PIK3C2B: variants seen among roughly 807,000 people sequenced by gnomAD.
PIK3C2B encodes phosphatidylinositol-4-phosphate 3-kinase catalytic subunit type 2 beta.
Under a neutral mutation model 184.3 loss-of-function variants are expected in PIK3C2B, and 83 were observed. The observed-to-expected ratio is 0.45, with a 90% CI of 0.38 to 0.54. The LOEUF (loss-of-function observed/expected upper bound fraction) is 0.54. Among genes scored for constraint, PIK3C2B ranks in the 20% least tolerant of loss-of-function variants. The probability of loss-of-function intolerance (pLI) is 0.00; values close to 1 mark genes in which losing one functional copy is unlikely to be tolerated. For missense variants in PIK3C2B, 1,736 were observed against 2,113.5 expected (o/e 0.82, Z 3.50); for synonymous variants, 779 against 837.6 (o/e 0.93, Z 1.21).
In PIK3C2B at chr1:204,445,992, A is replaced by C. The variant is rs1653826655; in HGVS notation, c.2642T>G (p.Met881Arg). Residue 881 changes from methionine (M) to arginine (R), a missense_variant, in exon 16 of 33, where the codon ATG becomes AGG. Met to Arg is a moderately conservative substitution (Grantham distance 91, BLOSUM62 -1). This residue lies in a region of PIK3C2B where 609 missense variants were observed against 699.2 expected (regional missense o/e 0.87). Coordinates refer to ENST00000684373, the MANE Select transcript of PIK3C2B (RefSeq NM_001377334.1). ...GAGCCCCAGGGCATCCTGGTGGTTC[A>C]TGTGGGTCCACTGCTTCAGGAGAAC... ...IYVLLKQWTH[M>R]NHQDALGLLH... 6.3e-7 allele frequency: 1 copy of C among 1,575,056 alleles called. No homozygotes were observed. Among genetic ancestry groups the C allele is most frequent in the East Asian group, 2.3e-5 (1 of 43,814 alleles).
chr1:204,486,268 GC>G (rs1167130116), intron 1 of PIK3C2B, among the ~76,000 whole-genome samples: 6 of 151,852 alleles, frequency 4.0e-5, no homozygotes, highest in Non-Finnish European at 7.4e-5. Context: ...GGTGATGCGC[GC>G]CAGTAATCCC....
chr1:204,467,856 C>T (rs1206677554), intron 2 of PIK3C2B, among the ~76,000 whole-genome samples: 1 of 57,988 alleles, frequency 1.7e-5, no homozygotes, highest in African/African-American at 5.2e-5. Flanking sequence ...AAAAAGAAGG[C>T]ATCAGCCATG....
chr1:204,450,101 G>A (rs940194590), intron 12 of PIK3C2B, 84 bp from the exon 13 acceptor site: 2 of 1,186,732 alleles, frequency 1.7e-6, no homozygotes, highest in South Asian at 1.6e-5. Context: ...GGCTGAGGCT[G>A]AGGCTGAGGA....
In PIK3C2B at chr1:204,469,992, C is replaced by T. The variant is rs11811242; in HGVS notation, c.-84-106G>A. On this transcript the variant is annotated intron_variant, in intron 1 of 32. Transcript: ENST00000684373. ...TTATCTGGGCCAGTGCCTGCTTCTT[C>T]GTTGTGTACAACTAATGGAATGTAC... The T allele has an allele frequency of 1.7e-3, 984 of 586,866 alleles. 5 individuals are homozygous for T. The highest frequency in any genetic ancestry group is 0.016 in the African/African-American group (871 of 53,488). 36.4% of individuals were successfully genotyped at this position (586,866 alleles called of 1,614,324 possible). A position where few individuals can be genotyped will look rare whatever the true frequency, so the allele number is the denominator to read the frequency against.
intron 21 of PIK3C2B, among the ~76,000 whole-genome samples, chr1:204,441,228 C>T (rs551831533): frequency 3.8e-4 from 58 of 152,204 alleles, no homozygotes; most frequent in Non-Finnish European, 6.5e-4. Flanking sequence ...GGGAGCTCTG[C>T]CTCCTAGAAA....
chr1:204,425,812 T>G, intron 31 of PIK3C2B, 71 bp from the exon 32 acceptor site: 1 of 1,434,910 alleles, frequency 7.0e-7, no homozygotes, highest in Non-Finnish European at 9.8e-7. Context: ...ATTCCTGTGA[T>G]CACACTCTGA....
chr1:204,493,374 G>A (rs1658137000), intron 1 of PIK3C2B, among the ~76,000 whole-genome samples: 1 of 152,036 alleles, frequency 6.6e-6, no homozygotes, highest in Non-Finnish European at 1.5e-5. Context: ...ACAGAGTTGA[G>A]AAAAAACAGC....
At chr1:204,449,412 T>C in intron 13 of PIK3C2B, 116 bp from the exon 14 acceptor site, 2 of 748,436 alleles carry the variant, frequency 2.7e-6, no homozygotes, top group Non-Finnish European at 2.3e-6. Context: ...CCAACTCCCC[T>C]CTCATTCTCA....
rs755380508 is a variant in PIK3C2B, at chr1:204,449,235, C to T, written c.2296G>A (p.Ala766Thr). 4.3e-5 allele frequency: 70 copies of T among 1,612,944 alleles called. No homozygotes were observed. The highest frequency in any genetic ancestry group is 5.4e-5 in the Non-Finnish European group (64 of 1,179,792). Reference sequence around the variant, plus strand: ...TGGAAATTAGGTGCACTCCAACGGGCGCTGGGATTTTCCTGTGTTGCTGGC... The same window carrying T: ...TGGAAATTAGGTGCACTCCAACGGGTGCTGGGATTTTCCTGTGTTGCTGGC... ...LWPATQENPS[A>T]RWSAPNFHQP... Residue 766 changes from alanine to threonine, a missense_variant, in exon 14 of 33, where the codon GCC (alanine) becomes ACC (threonine). By Grantham distance (58) the Ala-to-Thr change is moderately conservative. This residue lies in a region of PIK3C2B where 609 missense variants were observed against 699.2 expected (regional missense o/e 0.87). Transcript: ENST00000684373.
In PIK3C2B at chr1:204,469,783, T is replaced by A. The variant is rs760747356; in HGVS notation, c.20A>T (p.Asn7Ile). 2.5e-6 allele frequency: 4 copies of A among 1,613,622 alleles called. No individual in the cohort carries two copies. The highest frequency in any genetic ancestry group is 1.7e-5 in the Admixed American group (1 of 60,022). The change falls in exon 2 of 33, where the codon AAT becomes ATT. Residue 7 changes from asparagine (N) to isoleucine (I), a missense_variant. Physicochemically the swap from Asn to Ile is moderately radical, Grantham distance 149. Transcript: ENST00000684373. ...CTCCAGGGACTTCCAGTGTTCCCCA[T>A]TGCCCTGAGTCGAAGACATGGTGAG... is the stretch of plus-strand genomic sequence containing the variant. MSSTQGNGEHWKSLESV... is the reference protein window; with the variant it reads MSSTQGIGEHWKSLESV...
At chr1:204,460,442 C>T (rs1259684831) in intron 6 of PIK3C2B, 39 bp from the exon 7 acceptor site, 8 of 1,568,366 alleles carry the variant, frequency 5.1e-6, no homozygotes, top group South Asian at 1.1e-5. Context: ...GGGCGGTGCC[C>T]TTATCTCAGC....
chr1:204,493,866 G>A (rs954897989), intron 1 of PIK3C2B, among the ~76,000 whole-genome samples: 7 of 152,150 alleles, frequency 4.6e-5, no homozygotes, highest in Non-Finnish European at 1.0e-4. Flanking sequence ...TCCTTATAAG[G>A]GAGAATCCAA....
chr1:204,448,364 A>T (rs1483540490), intron 14 of PIK3C2B, among the ~76,000 whole-genome samples: 2 of 151,926 alleles, frequency 1.3e-5, no homozygotes, highest in Non-Finnish European at 1.5e-5. Flanking sequence ...AGCCTCCCAA[A>T]GTGCTGGGAT....
rs1674958006 is a variant in PIK3C2B at position 204,430,032 on chromosome 1, A to G, written c.4287T>C (p.Pro1429=). The change falls in exon 29 of 33, where the codon CCT becomes CCC. Residue 1429 remains proline (P), a synonymous_variant. Transcript: ENST00000684373. ...LFPSSHLPSF[P]SRFVIGRSRG... is the part of the protein sequence containing the mutation. ...GGGAGCGGCCGATCACGAAGCGACT[A>G]GGGAAGCTGGCGTGGCAGCGTAGGC... The G allele has an allele frequency of 1.2e-6, 2 of 1,606,568 alleles. No homozygotes were observed. Among genetic ancestry groups the G allele is most frequent in the Non-Finnish European group, 1.7e-6 (2 of 1,178,362 alleles).
rs201056053 is a variant in PIK3C2B, at chr1:204,469,338, G to A, written c.465C>T (p.Ser155=). 3.9e-6 allele frequency: 6 copies of A among 1,528,690 alleles called. No individual in the cohort carries two copies. Among genetic ancestry groups the A allele is most frequent in the Non-Finnish European group, 5.3e-6 (6 of 1,140,722 alleles). The allele number at this position is 1,528,690 out of a possible 1,614,324, so 94.7% of individuals were successfully genotyped here. The part of the protein sequence containing the change: ...GDIEGSCKKL[S]PPPLPPRASI... ...AAGCTCGGGGAGGCAGAGGAGGTGG[G>A]GATAGTTTCTTGCAAGAGCCCTCTA... is the stretch of plus-strand genomic sequence containing the variant. Residue 155 remains serine, a synonymous_variant, in exon 2 of 33, where the codon TCC becomes TCT. Coordinates refer to ENST00000684373, the MANE Select transcript of PIK3C2B (RefSeq NM_001377334.1).
rs61763434 is a variant in PIK3C2B at position 204,434,355 on chromosome 1, T to C, written c.3686+84A>G. 2.5e-3 allele frequency: 3,137 copies of C among 1,250,150 alleles called. 59 individuals are homozygous for C. In the African/African-American group the frequency reaches 0.04, roughly 16 times the overall value. The allele number at this position is 1,250,150 out of a possible 1,614,324, so 77.4% of individuals were successfully genotyped here. A position where few individuals can be genotyped will look rare whatever the true frequency, so the allele number is the denominator to read the frequency against. ...ATGATCTGAGGCCCAGCTGCTTCCA[T>C]CATGGGCTTGTGTCCCAGCTCTGAA... On this transcript the variant is annotated intron_variant, in intron 24 of 32. Coordinates refer to ENST00000684373, the MANE Select transcript of PIK3C2B (RefSeq NM_001377334.1).
At position 204,462,213 on chromosome 1, in the gene PIK3C2B, G is replaced by A. The variant is rs1655392202; in HGVS notation, c.1311-1552C>T. 3.9e-5 allele frequency among the ~76,000 whole-genome samples: 6 copies of A among 152,306 alleles called. No homozygotes were observed. The South Asian group carries it at 1.2e-3, about 32-fold the overall frequency. Reference sequence around the variant, plus strand: ...CCACCTCACTAAGAATATTTCACCTGAGTCTTAGCAGGAAGGTAGAACTTG... The same window carrying A: ...CCACCTCACTAAGAATATTTCACCTAAGTCTTAGCAGGAAGGTAGAACTTG... On this transcript the variant is annotated intron_variant, in intron 5 of 32. Transcript: ENST00000684373.
At chr1:204,434,348 G>C (rs2103472669) in intron 24 of PIK3C2B, 91 bp downstream of exon 24, 2 of 1,155,760 alleles carry the variant, frequency 1.7e-6, no homozygotes, top group East Asian at 4.9e-5. Flanking sequence ...AGGCCCAGCT[G>C]CTTCCATCAT....
chr1:204,428,410 T>A (rs538908804), intron 29 of PIK3C2B, among the ~76,000 whole-genome samples, 190 bp from the exon 30 acceptor site: 98 of 152,340 alleles, frequency 6.4e-4, no homozygotes, highest in African/African-American at 2.3e-3. Context: ...AAATTTTGAA[T>A]ATGGACTATG....
Sources: gnomAD v4.1 joint callset for allele counts (sites outside exome capture counted in the v4.1 genomes callset) on GRCh38, gnomAD v4.1.1 for gene constraint, gnomAD v4.1.1 regional missense constraint, MANE v1.5 for transcripts, NCBI Gene and HGNC (gene_info 2026-07-23, HGNC 2026-07-21) for gene names.